The following BPIFC variants were observed in gnomAD, a reference collection of about 807,000 sequenced individuals.
BPIFC encodes BPI fold containing family C.
Under a neutral mutation model 57.6 loss-of-function variants are expected in BPIFC, and 60 were observed. The observed-to-expected ratio is 1.04, with a 90% CI of 0.85 to 1.29. The LOEUF is 1.29. Among genes scored for constraint, BPIFC ranks in the 50% most tolerant of loss-of-function variants. BPIFC has a pLI of 0.00. For synonymous variants in BPIFC, 243 were observed against 224.5 expected, an observed-to-expected ratio of 1.08 and a Z score of -0.74; for missense variants, 581 against 600.5, an observed-to-expected ratio of 0.97 and a Z score of 0.34.
chr22:32,446,614 G>C (rs1769606445), intron 5 of BPIFC: 2 of 315,812 alleles, frequency 6.3e-6, no homozygotes, highest in Non-Finnish European at 9.2e-6. Context: ...TCAATAAATG[G>C]TTGTTGACTG....
intron 14 of BPIFC, 125 bp from the exon 15 acceptor site, chr22:32,417,273 T>C: frequency 1.5e-6 from 1 of 673,684 alleles, no homozygotes; most frequent in South Asian, 1.8e-5. Context: ...ACTCCTGGGC[T>C]CAAGCAATCT....
chr22:32,449,598 T>A (rs1296119612), intron 4 of BPIFC, among the ~76,000 whole-genome samples: 1 of 152,144 alleles, frequency 6.6e-6, no homozygotes, highest in Non-Finnish European at 1.5e-5. Flanking sequence ...TGCAGAGTAT[T>A]TCAAACTGTG....
At position 32,450,139 on chromosome 22, in the gene BPIFC, CACAT is replaced by C. The variant is rs1288782019; in HGVS notation, c.246-2803_246-2800del. Among the ~76,000 whole-genome samples, 16 of 110,134 alleles carry C rather than the reference CACAT, an allele frequency of 1.5e-4. No individual in the cohort carries two copies. In the South Asian group the frequency reaches 1.7e-3, roughly 12 times the overall value. The allele number at this position is 110,134 out of a possible 152,430, so 72.3% of individuals were successfully genotyped here. A position where few individuals can be genotyped will look rare whatever the true frequency, so the allele number is the denominator to read the frequency against. ...ACACACACACACACACACACACACA[CACAT>C]ATATACACATATATACACACATATA... On this transcript the variant is annotated intron_variant, in intron 4 of 16. Coordinates refer to ENST00000300399, the MANE Select transcript of BPIFC (RefSeq NM_174932.3).
chr22:32,429,391 A>T (rs1934165911), intron 13 of BPIFC, among the ~76,000 whole-genome samples: 1 of 151,336 alleles, frequency 6.6e-6, no homozygotes, highest in Non-Finnish European at 1.5e-5. Context: ...CATTTTCAGT[A>T]GAGACGGGGT....
intron 13 of BPIFC, among the ~76,000 whole-genome samples, chr22:32,424,665 CTTCTTCT>C (rs1933974718): frequency 2.8e-5 from 2 of 70,774 alleles, no homozygotes; most frequent in African/African-American, 1.7e-4. Context: ...TCTTCTTCTT[CTTCTTCT>C]TCTTCTTCTT....
intron 8 of BPIFC, among the ~76,000 whole-genome samples, chr22:32,440,408 C>T (rs934464955): frequency 6.6e-6 from 1 of 152,188 alleles, no homozygotes; most frequent in Admixed American, 6.5e-5. Context: ...TCCCAAAGTG[C>T]TAGGATTACA....
intron 4 of BPIFC, among the ~76,000 whole-genome samples, chr22:32,449,329 C>A (rs1934821669): frequency 6.6e-6 from 1 of 152,140 alleles, no homozygotes; most frequent in South Asian, 2.1e-4. Flanking sequence ...AAAATGACTT[C>A]ATTTGTGTAT....
intron 11 of BPIFC, among the ~76,000 whole-genome samples, chr22:32,433,384 A>G (rs1934301467): frequency 6.6e-6 from 1 of 152,246 alleles, no homozygotes; most frequent in African/African-American, 2.4e-5. Context: ...TACTACAGTT[A>G]CAAGTGTGGG....
At position 32,437,767 on chromosome 22, in the gene BPIFC, T is replaced by C. The variant is rs117472294; in HGVS notation, c.740A>G (p.Asn247Ser). 1,298 of 1,596,344 alleles carry C rather than the reference T, an allele frequency of 8.1e-4. 1 individual carries two copies. The highest frequency in any genetic ancestry group is 1.1e-3 in the Non-Finnish European group (1,241 of 1,163,950). The change falls in exon 9 of 17, where the codon AAC (asparagine) becomes AGC (serine). Residue 247 changes from asparagine to serine, a missense_variant. Coordinates refer to ENST00000300399, the MANE Select transcript of BPIFC (RefSeq NM_174932.3). The stretch of plus-strand genomic sequence containing the variant: ...TGATGATGATAAAGTTACCTTCAAG[T>C]TCAGGTCAAGGTAGTTCTCAGTAAT... ...PEITENYLDL[N>S]LKGVFYPLEN... is the part of the protein sequence containing the mutation.
Position 32,435,865 on chromosome 22 carries a change from G to C in BPIFC, c.763C>G (p.Leu255Val). 8 of 1,614,000 alleles carry C rather than the reference G, an allele frequency of 5.0e-6. No individual in the cohort carries two copies. Among genetic ancestry groups the C allele is most frequent in the Non-Finnish European group, 6.8e-6 (8 of 1,179,952 alleles). ...DLNLKGVFYP[L>V]ENLTDPPFSP... ...AAGGGGGGGTCGGTGAGGTTTTCCA[G>C]TGGGTAGAATACACCCTGTGGGAAA... The change falls in exon 10 of 17, where the codon CTG becomes GTG. Residue 255 changes from leucine to valine, a missense_variant. Coordinates refer to ENST00000300399, the MANE Select transcript of BPIFC (RefSeq NM_174932.3).
chr22:32,463,831 A>G (rs1935209354), intron 1 of BPIFC, among the ~76,000 whole-genome samples: 1 of 152,222 alleles, frequency 6.6e-6, no homozygotes, highest in Non-Finnish European at 1.5e-5. Context: ...TTGAGAATTC[A>G]TAGCATGTCT....
At chr22:32,416,171 C>T (rs1933670698) in intron 15 of BPIFC, among the ~76,000 whole-genome samples, 180 bp from the exon 16 acceptor site, 1 of 151,666 alleles carries the variant, frequency 6.6e-6, no homozygotes, top group African/African-American at 2.4e-5. Flanking sequence ...CCTCCACCTC[C>T]CAGGTACAGG....
rs749557104 is a variant in BPIFC at position 32,435,784 on chromosome 22, T to G, written c.844A>C (p.Ile282Leu). 1.8e-5 allele frequency: 29 copies of G among 1,614,052 alleles called. No individual in the cohort carries two copies. Among genetic ancestry groups the G allele is most frequent in the Non-Finnish European group, 1.9e-5 (22 of 1,180,048 alleles). Residue 282 changes from isoleucine (I) to leucine (L), a missense_variant, in exon 10 of 17, where the codon ATC (isoleucine) becomes CTC (leucine). Transcript: ENST00000300399. ...GCAGATTTAAAGAAATACTCGGCGA[T>G]TCCAATGTAGAGCATGGAGTTGCTG... Reference protein sequence around the residue: ...ERSNSMLYIGIAEYFFKSASF... With the variant: ...ERSNSMLYIGLAEYFFKSASF...
At chr22:32,447,094 A>C in intron 5 of BPIFC, 118 bp downstream of exon 5, 1 of 1,342,442 alleles carries the variant, frequency 7.4e-7, no homozygotes, top group Non-Finnish European at 9.8e-7. Flanking sequence ...CTTTTGAGAA[A>C]GATTGTTAAT....
chr22:32,417,280 A>G (rs1933709615), intron 14 of BPIFC, 132 bp from the exon 15 acceptor site: 1 of 661,566 alleles, frequency 1.5e-6, no homozygotes, highest in Non-Finnish European at 2.6e-6. Flanking sequence ...GGCTCAAGCA[A>G]TCTTCCTGCC....
rs148120993 is a variant in BPIFC at position 32,442,674 on chromosome 22, C to T, written c.652G>A (p.Glu218Lys). The T allele has an allele frequency of 1.3e-4, 214 of 1,613,246 alleles. No homozygotes were observed. In the African/African-American group the frequency reaches 2.5e-3, roughly 19 times the overall value. ...KALNANLSTL[E>K]VLTKIDNYTL... is the part of the protein sequence containing the mutation. ...AAAAGACAGTTCTAAGACTCACCCT[C>T]CAGTGTGCTGAGGTTGGCATTTAGC... Residue 218 changes from glutamate to lysine, a missense_variant, in exon 8 of 17, where the codon GAG (glutamate) becomes AAG (lysine). Transcript: ENST00000300399.
At chr22:32,453,588 T>C (rs1476785049) in intron 3 of BPIFC, 85 bp from the exon 4 acceptor site, 5 of 1,430,594 alleles carry the variant, frequency 3.5e-6, no homozygotes, top group Non-Finnish European at 4.6e-6. Context: ...TACAATTTAT[T>C]GAGTGAGACA....
chr22:32,435,733 C>T lies in BPIFC; in HGVS notation c.895G>A (p.Val299Ile). 1.2e-6 allele frequency: 2 copies of T among 1,614,008 alleles called. No individual in the cohort carries two copies. The highest frequency in any genetic ancestry group is 8.5e-7 in the Non-Finnish European group (1 of 1,179,966). Residue 299 changes from valine to isoleucine, a missense_variant, in exon 10 of 17, where the codon GTT (valine) becomes ATT (isoleucine). By Grantham distance (29) the Val-to-Ile change is conservative. Transcript: ENST00000300399. The stretch of plus-strand genomic sequence containing the variant: ...TCGGTGGAGAGAGTGACATTGAAAA[C>T]CCCAGCTGTGAAATGAGCAAAGGAC... ...SASFAHFTAG[V>I]FNVTLSTEEI...
At chr22:32,441,295 A>G (rs1439343706) in intron 8 of BPIFC, among the ~76,000 whole-genome samples, 1 of 152,022 alleles carries the variant, frequency 6.6e-6, no homozygotes, top group Non-Finnish European at 1.5e-5. Context: ...TAGAATGGAA[A>G]TTCCTCTCCA....
Sources: allele counts gnomAD v4.1 joint callset (sites outside exome capture counted in the v4.1 genomes callset), GRCh38; gene constraint gnomAD v4.1.1; transcripts MANE v1.5; gene names NCBI Gene and HGNC (gene_info 2026-07-23, HGNC 2026-07-21).